The following TP63 variants were observed in gnomAD, a reference collection of about 807,000 sequenced individuals.
The protein encoded by TP63 is tumor protein p63, also known as tumor protein 63.
In TP63, 17 loss-of-function variants were observed where a neutral mutation model predicts 82.8. The ratio of observed to expected loss-of-function variants is 0.21; its 90% CI spans 0.14 to 0.31. The LOEUF is 0.31. TP63 is among the 10% of genes least tolerant of loss of function. The probability of loss-of-function intolerance (pLI) is 1.00; values close to 1 mark genes in which losing one functional copy is unlikely to be tolerated. For missense variants in TP63, 648 were observed against 895.3 expected (o/e 0.72, Z 3.52); for synonymous variants, 330 against 321.7 (o/e 1.03, Z -0.28).
At chr3:189,719,093 G>T (rs1398243417) in intron 1 of TP63, among the ~76,000 whole-genome samples, 1 of 151,822 alleles carries the variant, frequency 6.6e-6, no homozygotes, top group African/African-American at 2.4e-5. Flanking sequence ...ATAGCAGCAA[G>T]AACAAAACTC....
At chr3:189,727,792 A>G (rs1719874637) in intron 1 of TP63, among the ~76,000 whole-genome samples, 1 of 152,144 alleles carries the variant, frequency 6.6e-6, no homozygotes, top group Admixed American at 6.6e-5. Context: ...CACTTATTCA[A>G]ATGTCTCCTA....
intron 1 of TP63, among the ~76,000 whole-genome samples, chr3:189,725,416 T>G (rs996117755): frequency 3.9e-5 from 6 of 152,122 alleles, no homozygotes; most frequent in Admixed American, 3.3e-4. Context: ...TAAAAGGAAA[T>G]TGTTCCTGAA....
rs16864890 is a variant in TP63 at position 189,885,217 on chromosome 3, G to A, written c.1350-1177G>A. On this transcript the variant is annotated intron_variant, in intron 10 of 13. Coordinates refer to ENST00000264731, the MANE Select transcript of TP63 (RefSeq NM_003722.5). ...TTGCTTAAAGTCCAGTCTTCATTCT[G>A]TGGTCACAGTAATTCAGTGTAGATG... 7.2e-3 allele frequency among the ~76,000 whole-genome samples: 1,092 copies of A among 152,290 alleles called. 14 individuals carry two copies. Among genetic ancestry groups the A allele is most frequent in the African/African-American group, 0.024 (1,018 of 41,564 alleles).
chr3:189,854,923 T>C (rs1716101576), intron 4 of TP63, among the ~76,000 whole-genome samples: 1 of 152,090 alleles, frequency 6.6e-6, no homozygotes, highest in Non-Finnish European at 1.5e-5. Flanking sequence ...CAGGCTGAGA[T>C]GTAAAGAGGA....
At chr3:189,893,112 T>A (rs3911033) in intron 13 of TP63, among the ~76,000 whole-genome samples, 2,575 of 152,278 alleles carry the variant, frequency 0.017, 76 homozygotes, top group African/African-American at 0.058. Context: ...GGAACTTCAT[T>A]AGTATCCCCA....
chr3:189,660,632 A>G (rs1713790414), intron 1 of TP63, among the ~76,000 whole-genome samples: 1 of 152,062 alleles, frequency 6.6e-6, no homozygotes, highest in Admixed American at 6.6e-5. Flanking sequence ...GATAATGTTG[A>G]ATCTGTAGAT....
intron 9 of TP63, among the ~76,000 whole-genome samples, chr3:189,871,716 G>A (rs544879497): frequency 9.9e-5 from 15 of 152,084 alleles, no homozygotes; most frequent in Admixed American, 2.0e-4. Context: ...CGGCTCATCC[G>A]TTTTTTTGGT....
the TP63 span, among the ~76,000 whole-genome samples, chr3:189,605,246 T>G: frequency 1.3e-5 from 2 of 152,252 alleles, no homozygotes; most frequent in African/African-American, 4.8e-5. Context: ...GGCCACTGAT[T>G]ATGCCAACTC....
intron 4 of TP63, among the ~76,000 whole-genome samples, chr3:189,860,486 G>A (rs1197253314): frequency 6.6e-6 from 1 of 152,168 alleles, no homozygotes; most frequent in Non-Finnish European, 1.5e-5. Context: ...AGGTCATCAT[G>A]GAACAGATTT....
chr3:189,790,534 G>T (rs1725023113), intron 3 of TP63, among the ~76,000 whole-genome samples: 1 of 151,900 alleles, frequency 6.6e-6, no homozygotes, highest in South Asian at 2.1e-4. Context: ...TTGCATTTCT[G>T]ATCTCTTCTC....
chr3:189,784,716 AT>A (rs1469278242), intron 3 of TP63, among the ~76,000 whole-genome samples: 3 of 151,994 alleles, frequency 2.0e-5, no homozygotes, highest in East Asian at 3.9e-4. Flanking sequence ...AGACTTACCC[AT>A]TTTTCAGAAC....
intron 1 of TP63, among the ~76,000 whole-genome samples, chr3:189,685,899 A>T (rs928348607): frequency 2.0e-5 from 3 of 152,204 alleles, no homozygotes; most frequent in Non-Finnish European, 4.4e-5. Flanking sequence ...TGAGAAACAA[A>T]TGAACAAAGA....
At chr3:189,826,065 G>A (rs530824981) in intron 4 of TP63, among the ~76,000 whole-genome samples, 1 of 152,274 alleles carries the variant, frequency 6.6e-6, no homozygotes, top group African/African-American at 2.4e-5. Context: ...AAATATTAAG[G>A]ACATTTAAAA....
chr3:189,864,905 G>A (rs533330002), intron 5 of TP63, among the ~76,000 whole-genome samples: 2 of 152,150 alleles, frequency 1.3e-5, no homozygotes, highest in Non-Finnish European at 2.9e-5. Flanking sequence ...TACTCGGGAG[G>A]CTGAGGCAGG....
intron 1 of TP63, among the ~76,000 whole-genome samples, chr3:189,648,784 C>T (rs1422351416): frequency 6.8e-6 from 1 of 146,712 alleles, no homozygotes; most frequent in East Asian, 2.4e-4. Flanking sequence ...TGCTCAAATC[C>T]CTCATAGTCG....
chr3:189,632,045 A>G (rs938647219), intron 1 of TP63, among the ~76,000 whole-genome samples: 13 of 149,352 alleles, frequency 8.7e-5, no homozygotes, highest in Non-Finnish European at 1.6e-4. Context: ...ATTTTTTGGT[A>G]TGTTTGATAA....
In TP63 at chr3:189,895,087, C is replaced by G. The variant is rs955555351; in HGVS notation, c.*585C>G. ...CAGTTCTTTGGATTCTAAATACATGCCACATCAAACCTTTGAGTAGATCCA... is the reference window on the plus strand; with the variant it reads ...CAGTTCTTTGGATTCTAAATACATGGCACATCAAACCTTTGAGTAGATCCA... On this transcript the variant is annotated 3_prime_UTR_variant, in exon 14 of 14. Transcript: ENST00000264731. 1.4e-5 allele frequency: 3 copies of G among 221,202 alleles called. No individual in the cohort carries two copies. Among genetic ancestry groups the G allele is most frequent in the Admixed American group, 5.8e-5 (1 of 17,356 alleles). 13.7% of individuals were successfully genotyped at this position (221,202 alleles called of 1,614,324 possible).
At chr3:189,648,271 T>C (rs546276973) in intron 1 of TP63, among the ~76,000 whole-genome samples, 1 of 147,386 alleles carries the variant, frequency 6.8e-6, no homozygotes, top group Non-Finnish European at 1.5e-5. Flanking sequence ...TTCTTATTTA[T>C]GTTATTTTGT....
At chr3:189,621,026 C>A in the TP63 span, among the ~76,000 whole-genome samples, 1 of 152,158 alleles carries the variant, frequency 6.6e-6, no homozygotes. Context: ...AGGGTAGAAC[C>A]ATCTAAGACA....
Sources: gnomAD v4.1 joint callset for allele counts (sites outside exome capture counted in the v4.1 genomes callset) on GRCh38, gnomAD v4.1.1 for gene constraint, MANE v1.5 for transcripts, NCBI Gene and HGNC (gene_info 2026-07-23, HGNC 2026-07-21) for gene names.